The following ITGAX variants were observed in gnomAD, a reference collection of about 807,000 sequenced individuals.
ITGAX encodes integrin subunit alpha X, also known as integrin alpha-X.
Under a neutral mutation model 140.2 loss-of-function variants are expected in ITGAX, and 99 were observed. The ratio of observed to expected loss-of-function variants is 0.71; its 90% confidence interval spans 0.60 to 0.83. ITGAX has a LOEUF of 0.83. Among genes scored for constraint, ITGAX ranks in the 40% least tolerant of loss-of-function variants. The probability of loss-of-function intolerance (pLI) is 0.00; values close to 1 mark genes in which losing one functional copy is unlikely to be tolerated. For missense variants in ITGAX, 1,444 were observed against 1,482.0 expected (o/e 0.97, Z 0.42); for synonymous variants, 631 against 600.4 (o/e 1.05, Z -0.75).
intron 23 of ITGAX, among the ~76,000 whole-genome samples, chr16:31,377,960 G>A (rs960807908): frequency 1.4e-4 from 21 of 152,206 alleles, no homozygotes; most frequent in Non-Finnish European, 1.3e-4. Context: ...CAGAGTAGGC[G>A]TGGTGGGCTG....
At chr16:31,357,534 C>A in intron 5 of ITGAX, 170 bp downstream of exon 5, 1 of 590,260 alleles carries the variant, frequency 1.7e-6, no homozygotes, top group Non-Finnish European at 3.0e-6. Flanking sequence ...CTGCCGATCG[C>A]CCGCACGCTG....
Position 31,359,955 on chromosome 16 carries a change from A to G in ITGAX, c.597A>G (p.Thr199=), listed in dbSNP as rs372254909. The G allele has an allele frequency of 1.2e-6, 2 of 1,614,004 alleles. No homozygotes were observed. Among genetic ancestry groups the G allele is most frequent in the Non-Finnish European group, 1.7e-6 (2 of 1,180,034 alleles). ...TGCAGTTCTCCAACAAATTCCAAAC[A>G]CACTTCACTTTCGAGGAATTCAGGC... ...SLMQFSNKFQ[T]HFTFEEFRRS... The change falls in exon 7 of 30, where the codon ACA becomes ACG. Residue 199 remains threonine (T), a synonymous_variant. Coordinates refer to ENST00000268296, the MANE Select transcript of ITGAX (RefSeq NM_000887.5).
chr16:31,371,395 T>C lies in ITGAX; in HGVS notation c.1903T>C (p.Ser635Pro). The change falls in exon 16 of 30, where the codon TCT becomes CCT. Residue 635 changes from serine to proline, a missense_variant. Ser to Pro is a moderately conservative substitution (Grantham distance 74). Coordinates refer to ENST00000268296, the MANE Select transcript of ITGAX (RefSeq NM_000887.5). ...MQFIPAEIPRSAFECREQVVS... is the reference protein window; with the variant it reads ...MQFIPAEIPRPAFECREQVVS... The stretch of plus-strand genomic sequence containing the variant: ...GTTCATACCTGCCGAGATCCCCAGG[T>C]CTGCGTTTGAGTGTCGGGAGCAGGT... 6.2e-7 allele frequency: 1 copy of C among 1,614,170 alleles called. No individual in the cohort carries two copies. The highest frequency in any genetic ancestry group is 1.7e-5 in the Admixed American group (1 of 60,026).
intron 14 of ITGAX, 126 bp from the exon 15 acceptor site, chr16:31,370,958 A>T: frequency 8.7e-7 from 1 of 1,147,586 alleles, no homozygotes; most frequent in Non-Finnish European, 1.3e-6. Context: ...CTTCTTGGTG[A>T]CATCTGTTCA....
intron 20 of ITGAX, among the ~76,000 whole-genome samples, chr16:31,376,334 A>T (rs2081018786): frequency 6.6e-6 from 1 of 152,158 alleles, no homozygotes; most frequent in Non-Finnish European, 1.5e-5. Flanking sequence ...TAAAAACGTA[A>T]CCTTGGCTGG....
intron 5 of ITGAX, 21 bp downstream of exon 5, chr16:31,357,385 G>A (rs1173823790): frequency 1.3e-6 from 2 of 1,518,594 alleles, no homozygotes; most frequent in Non-Finnish European, 1.8e-6. Flanking sequence ...GGACCACCAA[G>A]GCTTTGAGGA....
rs1352681569 is a variant in ITGAX, at chr16:31,362,153, A to G, written c.1165A>G (p.Thr389Ala). Residue 389 changes from threonine (T) to alanine (A), a missense_variant, in exon 11 of 30, where the codon ACC (threonine) becomes GCC (alanine). Thr to Ala is a moderately conservative substitution (Grantham distance 58). Coordinates refer to ENST00000268296, the MANE Select transcript of ITGAX (RefSeq NM_000887.5). The part of the protein sequence containing the change: ...AFLYPPNMSP[T>A]FINMSQENVD... The stretch of plus-strand genomic sequence containing the variant: ...CCTGTACCCCCCAAATATGAGCCCT[A>G]CCTTCATCAACATGTCTCAGGAGAA... 1 of 1,613,888 alleles carries G rather than the reference A, an allele frequency of 6.2e-7. No homozygotes were observed. The highest frequency in any genetic ancestry group is 1.3e-5 in the African/African-American group (1 of 74,940).
At chr16:31,379,481 G>A (rs1329878514) in intron 23 of ITGAX, 87 bp from the exon 24 acceptor site, 10 of 1,313,278 alleles carry the variant, frequency 7.6e-6, no homozygotes, top group East Asian at 2.5e-5. Flanking sequence ...AGGCCCCACC[G>A]ACCACCTGTC....
chr16:31,363,527 A>G (rs1038317001), intron 14 of ITGAX, among the ~76,000 whole-genome samples, 153 bp downstream of exon 14: 3 of 152,016 alleles, frequency 2.0e-5, no homozygotes, highest in Admixed American at 6.6e-5. Context: ...GCTCACTGCA[A>G]CCTCCGCCTC....
chr16:31,373,660 A>T (rs947038711), intron 20 of ITGAX, among the ~76,000 whole-genome samples: 1 of 152,264 alleles, frequency 6.6e-6, no homozygotes, highest in African/African-American at 2.4e-5. Context: ...AAATGAAAAC[A>T]TACCTCAGCC....
At position 31,372,603 on chromosome 16, in the gene ITGAX, T is replaced by G. The variant is rs752641545; in HGVS notation, c.2299T>G (p.Phe767Val). The G allele has an allele frequency of 1.9e-6, 3 of 1,614,006 alleles. No homozygotes were observed. Among genetic ancestry groups the G allele is most frequent in the Non-Finnish European group, 2.5e-6 (3 of 1,179,992 alleles). ...CCGTTGCCTTCCCACGCAGCTACCC[T>G]TTGAGAAGAACTGTGGAGCCGACCA... Reference protein sequence around the residue: ...AQRYFTASLPFEKNCGADHIC... With the variant: ...AQRYFTASLPVEKNCGADHIC... Residue 767 changes from phenylalanine to valine, a missense_variant, in exon 19 of 30, where the codon TTT becomes GTT. Phe to Val is a conservative substitution (Grantham distance 50). Coordinates refer to ENST00000268296, the MANE Select transcript of ITGAX (RefSeq NM_000887.5).
At chr16:31,373,788 G>A (rs749676117) in intron 20 of ITGAX, among the ~76,000 whole-genome samples, 6 of 152,150 alleles carry the variant, frequency 3.9e-5, no homozygotes, top group East Asian at 1.9e-4. Context: ...TTTCAGCTTC[G>A]TGGTCTGCGT....
rs78006705 is a variant in ITGAX, at chr16:31,365,219, A to G, written c.1710+1845A>G. 2.3e-3 allele frequency among the ~76,000 whole-genome samples: 349 copies of G among 152,278 alleles called. 3 individuals are homozygous for G. The highest frequency in any genetic ancestry group is 8.1e-3 in the African/African-American group (336 of 41,566). On this transcript the variant is annotated intron_variant, in intron 14 of 29. Transcript: ENST00000268296. Reference sequence around the variant, plus strand: ...CTGGGTGTGGGGGAAAGTCAGGGGCATGAGGGTGACTGCTAATGGGTGTGG... The same window carrying G: ...CTGGGTGTGGGGGAAAGTCAGGGGCGTGAGGGTGACTGCTAATGGGTGTGG...
intron 5 of ITGAX, 173 bp downstream of exon 5, chr16:31,357,537 G>A (rs759979509): frequency 4.1e-5 from 24 of 587,370 alleles, no homozygotes; most frequent in Non-Finnish European, 6.0e-5. Context: ...CCGATCGCCC[G>A]CACGCTGCCG....
rs942678544 is a variant in ITGAX, at chr16:31,382,971, G to A, written c.*1064G>A. The A allele has an allele frequency of 1.2e-5, 2 of 161,840 alleles. No homozygotes were observed. The highest frequency in any genetic ancestry group is 1.2e-4 in the Admixed American group (2 of 16,114). The allele number at this position is 161,840 out of a possible 1,614,324, so 10.0% of individuals were successfully genotyped here. Reference sequence around the variant, plus strand: ...TACCGCTCTTGGGAAATATGTCAAAGGTCTAAAAATAAAAAAGCCTTCTGT... The same window carrying A: ...TACCGCTCTTGGGAAATATGTCAAAAGTCTAAAAATAAAAAAGCCTTCTGT... On this transcript the variant is annotated 3_prime_UTR_variant, in exon 30 of 30. Coordinates refer to ENST00000268296, the MANE Select transcript of ITGAX (RefSeq NM_000887.5).
intron 2 of ITGAX, 45 bp downstream of exon 2, chr16:31,356,043 C>A: frequency 7.1e-7 from 1 of 1,403,986 alleles, no homozygotes; most frequent in South Asian, 1.2e-5. Context: ...CCATCCTCTC[C>A]CTGCTCAGGG....
Position 31,376,807 on chromosome 16 carries a change from G to A in ITGAX, c.2517G>A (p.Gly839=), listed in dbSNP as rs749177440. The A allele has an allele frequency of 1.9e-6, 3 of 1,614,046 alleles. No homozygotes were observed. Among genetic ancestry groups the A allele is most frequent in the Non-Finnish European group, 2.5e-6 (3 of 1,179,922 alleles). The change falls in exon 21 of 30, where the codon GGG becomes GGA. Residue 839 remains glycine (G), a synonymous_variant. Transcript: ENST00000268296. ...YRYVAEGQKQ[G]QLRSLHLTCD... ...CTTTTTCTCATGCCTAGAAACAAGG[G>A]CAGCTGCGTTCCCTGCACCTGACAT...
In ITGAX at chr16:31,357,033, C is replaced by A. The variant is rs769126054; in HGVS notation, c.250C>A (p.Pro84Thr). The stretch of plus-strand genomic sequence containing the variant: ...CATGCACATATCTGTCCCCACAGTG[C>A]CCCCGGAGGCCGTGAACATGTCCCT... ...GACEPIGLQV[P>T]PEAVNMSLGL... is the part of the protein sequence containing the mutation. Residue 84 changes from proline to threonine, a missense_variant and splice_region_variant, in exon 4 of 30, where the codon CCC becomes ACC. Coordinates refer to ENST00000268296, the MANE Select transcript of ITGAX (RefSeq NM_000887.5). The A allele has an allele frequency of 1.9e-6, 3 of 1,607,476 alleles. No individual in the cohort carries two copies. In the Admixed American group the frequency reaches 5.1e-5, roughly 27 times the overall value.
intron 20 of ITGAX, 122 bp downstream of exon 20, chr16:31,373,512 TG>T: frequency 9.9e-7 from 1 of 1,009,358 alleles, no homozygotes; most frequent in Non-Finnish European, 1.4e-6. Flanking sequence ...TCTGCTCGTG[TG>T]GGTGTTCAAC....
Sources: gnomAD v4.1 joint callset for allele counts (sites outside exome capture counted in the v4.1 genomes callset) on GRCh38, gnomAD v4.1.1 for gene constraint, MANE v1.5 for transcripts, NCBI Gene and HGNC (gene_info 2026-07-23, HGNC 2026-07-21) for gene names.